Variants in DSCAML1 observed in about 807,000 individuals in gnomAD.
DSCAML1 encodes the protein DS cell adhesion molecule like 1.
In DSCAML1, 38 loss-of-function variants were observed where a neutral mutation model predicts 200.5. The ratio of observed to expected loss-of-function variants is 0.19; its 90% CI spans 0.15 to 0.25. The LOEUF is 0.25. Among genes scored for constraint, DSCAML1 ranks in the 10% least tolerant of loss-of-function variants. The probability of loss-of-function intolerance (pLI) is 1.00; values close to 1 mark genes in which losing one functional copy is unlikely to be tolerated. For missense variants in DSCAML1, 2,223 were observed against 2,858.8 expected (o/e 0.78, Z 5.07); for synonymous variants, 1,215 against 1,165.0 (o/e 1.04, Z -0.87).
chr11:117,470,021 A>T (rs772564574), intron 15 of DSCAML1, 41 bp from the exon 16 acceptor site: 6 of 1,538,186 alleles, frequency 3.9e-6, no homozygotes, highest in Non-Finnish European at 5.3e-6. Context: ...ACAAGTCAAG[A>T]CTTGGAAGAG....
intron 3 of DSCAML1, among the ~76,000 whole-genome samples, chr11:117,552,156 G>GT (rs2050479324): frequency 1.3e-5 from 2 of 151,980 alleles, no homozygotes; most frequent in Non-Finnish European, 2.9e-5. Context: ...GACCCGTAGA[G>GT]TAAAAACCCT....
intron 3 of DSCAML1, among the ~76,000 whole-genome samples, chr11:117,717,785 T>C (rs1414800594): frequency 6.6e-6 from 1 of 152,094 alleles, no homozygotes; most frequent in Non-Finnish European, 1.5e-5. Flanking sequence ...GTTGCTGTAA[T>C]TGATGATGCC....
chr11:117,454,841 C>G (rs1216918596), intron 19 of DSCAML1, among the ~76,000 whole-genome samples: 1 of 152,226 alleles, frequency 6.6e-6, no homozygotes, highest in Non-Finnish European at 1.5e-5. Context: ...TGAAGGTGAA[C>G]TGTCTGCTTT....
chr11:117,711,431 G>C (rs1254047968), intron 3 of DSCAML1, among the ~76,000 whole-genome samples: 1 of 152,148 alleles, frequency 6.6e-6, no homozygotes, highest in Non-Finnish European at 1.5e-5. Context: ...ACTAACTCAG[G>C]GGTCCATAGA....
chr11:117,631,860 G>T (rs1475863059), intron 3 of DSCAML1, among the ~76,000 whole-genome samples: 1 of 152,216 alleles, frequency 6.6e-6, no homozygotes, highest in East Asian at 1.9e-4. Context: ...TGAGGAGAAG[G>T]CCCCTAAGCT....
At chr11:117,703,025 C>G (rs2053695777) in intron 3 of DSCAML1, among the ~76,000 whole-genome samples, 2 of 152,176 alleles carry the variant, frequency 1.3e-5, no homozygotes, top group African/African-American at 4.8e-5. Context: ...TGCAGTTTCT[C>G]TGAAAATGTG....
intron 1 of DSCAML1, among the ~76,000 whole-genome samples, chr11:117,802,704 C>G (rs558782039): frequency 6.6e-6 from 1 of 152,150 alleles, no homozygotes; most frequent in Non-Finnish European, 1.5e-5. Flanking sequence ...CTGCTGAGCC[C>G]GCATCACTGT....
chr11:117,591,687 T>C (rs1183546117), intron 3 of DSCAML1, among the ~76,000 whole-genome samples: 1 of 152,188 alleles, frequency 6.6e-6, no homozygotes, highest in Non-Finnish European at 1.5e-5. Context: ...GATGGGGTTT[T>C]AACGGGCTCA....
upstream of DSCAML1, chr11:117,800,806 T>G (rs2055650252): frequency 6.6e-6 from 1 of 152,238 alleles, no homozygotes. Context: ...TTAGGGGGTA[T>G]TATTTTGCCA....
rs541672178 is a variant in DSCAML1 at position 117,520,806 on chromosome 11, C to G, written c.1213+324G>C. Among the ~76,000 whole-genome samples, 6 of 144,894 alleles carry G rather than the reference C, an allele frequency of 4.1e-5. No homozygotes were observed. In the East Asian group the frequency reaches 1.2e-3, roughly 28 times the overall value. On this transcript the variant is annotated intron_variant, in intron 6 of 32. Transcript: ENST00000651296. Reference sequence around the variant, plus strand: ...AGCATGGTGCAAGATGGTCCCTGCCCGTAGTCACAGCTACTTGGGAGGCTG... The same window carrying G: ...AGCATGGTGCAAGATGGTCCCTGCCGGTAGTCACAGCTACTTGGGAGGCTG...
At chr11:117,461,070 C>CA (rs59983831) in intron 18 of DSCAML1, among the ~76,000 whole-genome samples, 1 of 151,432 alleles carries the variant, frequency 6.6e-6, no homozygotes, top group Non-Finnish European at 1.5e-5. Context: ...AATATCAACA[C>CA]TGAAACTAGA....
chr11:117,733,481 C>G (rs1449311546), intron 3 of DSCAML1, among the ~76,000 whole-genome samples: 2 of 152,214 alleles, frequency 1.3e-5, no homozygotes, highest in East Asian at 3.9e-4. Flanking sequence ...GCAGGCCAGT[C>G]TGCTGACTAC....
intron 3 of DSCAML1, among the ~76,000 whole-genome samples, chr11:117,734,989 G>A (rs1591453309): frequency 6.6e-6 from 1 of 152,328 alleles, no homozygotes; most frequent in East Asian, 1.9e-4. Flanking sequence ...TTGGGACTTG[G>A]GGAGGGGGGC....
intron 17 of DSCAML1, among the ~76,000 whole-genome samples, chr11:117,462,489 C>T (rs1379125985): frequency 6.6e-5 from 10 of 152,226 alleles, no homozygotes; most frequent in Non-Finnish European, 1.0e-4. Flanking sequence ...GAGTCTGCTT[C>T]GCTCCGAGTG....
intron 3 of DSCAML1, among the ~76,000 whole-genome samples, chr11:117,703,930 C>A (rs182192220): frequency 1.2e-3 from 178 of 152,326 alleles, no homozygotes; most frequent in African/African-American, 4.1e-3. Flanking sequence ...TGTGCCAACT[C>A]TTCTCTTGTA....
intron 8 of DSCAML1, among the ~76,000 whole-genome samples, chr11:117,509,607 A>C (rs966371585): frequency 1.3e-5 from 2 of 152,282 alleles, no homozygotes; most frequent in African/African-American, 2.4e-5. Context: ...GAGCCCAGGG[A>C]TCATGGCTCC....
At chr11:117,493,894 G>T (rs1173887230) in intron 11 of DSCAML1, among the ~76,000 whole-genome samples, 1 of 152,098 alleles carries the variant, frequency 6.6e-6, no homozygotes, top group Non-Finnish European at 1.5e-5. Flanking sequence ...TCCCAGAATG[G>T]TGGGATTACA....
rs200181397 is a variant in DSCAML1 at position 117,542,353 on chromosome 11, C to CAAAA, written c.512-9835_512-9832dup. Among the ~76,000 whole-genome samples, 117 of 150,778 alleles carry CAAAA rather than the reference C, an allele frequency of 7.8e-4. 1 individual carries two copies. Among genetic ancestry groups the CAAAA allele is most frequent in the African/African-American group, 2.8e-3 (115 of 40,746 alleles). On this transcript the variant is annotated intron_variant, in intron 3 of 32. Transcript: ENST00000651296. ...ACAAAAACAACAACAACAACAACAA[C>CAAAA]AAAAAAAAAACAGTGCAGGCGATGT... is the stretch of plus-strand genomic sequence containing the variant.
At chr11:117,597,644 TG>T (rs2051387162) in intron 3 of DSCAML1, among the ~76,000 whole-genome samples, 1 of 152,092 alleles carries the variant, frequency 6.6e-6, no homozygotes, top group South Asian at 2.1e-4. Context: ...TTAGTAGAGA[TG>T]GGGTTTCATC....
Sources: gnomAD v4.1 joint callset for allele counts (sites outside exome capture counted in the v4.1 genomes callset) on GRCh38, gnomAD v4.1.1 for gene constraint, MANE v1.5 for transcripts, NCBI Gene and HGNC (gene_info 2026-07-23, HGNC 2026-07-21) for gene names.